NIPAL3: variants seen among roughly 807,000 people sequenced by gnomAD.
NIPAL3 encodes the protein NIPA like domain containing 3, also known as NIPA-like protein 3.
NIPAL3 carries 41 observed loss-of-function variants against 47.2 expected under a neutral mutation model. The observed-to-expected ratio is 0.87, with a 90% confidence interval of 0.68 to 1.13. NIPAL3 has a LOEUF of 1.13. Ranked by LOEUF, NIPAL3 falls within the 50% of genes most tolerant of loss-of-function variation. The pLI is 0.00. For synonymous variants in NIPAL3, 194 were observed against 209.6 expected, an observed-to-expected ratio of 0.93 and a Z score of 0.64; for missense variants, 449 against 530.1, an observed-to-expected ratio of 0.85 and a Z score of 1.50.
intron 2 of NIPAL3, among the ~76,000 whole-genome samples, chr1:24,424,345 C>T (rs1164483586): frequency 2.0e-5 from 3 of 152,186 alleles, no homozygotes; most frequent in Non-Finnish European, 2.9e-5. Context: ...TCATCCTTCC[C>T]TCCCAACGGC....
rs748550018 is a variant in NIPAL3 at position 24,453,476 on chromosome 1, C to G, written c.609C>G (p.Val203=). Residue 203 remains valine (V), a synonymous_variant, in exon 7 of 12, where the codon GTC becomes GTG. Transcript: ENST00000374399. The stretch of plus-strand genomic sequence containing the variant: ...AGGAGAAGAACGCCAACAACATTGT[C>G]GTGATTCTTCTCTTGGTGGCGTTAC... The part of the protein sequence containing the change: ...FYKEKNANNI[V]VILLLVALLG... 1.2e-6 allele frequency: 2 copies of G among 1,613,362 alleles called. No individual in the cohort carries two copies. The highest frequency in any genetic ancestry group is 2.7e-5 in the African/African-American group (2 of 74,802).
intron 8 of NIPAL3, among the ~76,000 whole-genome samples, chr1:24,457,400 A>G (rs1042589980): frequency 1.3e-5 from 2 of 152,196 alleles, no homozygotes; most frequent in African/African-American, 4.8e-5. Flanking sequence ...AAACCTGTGT[A>G]GGTACACAGG....
In NIPAL3 at chr1:24,418,302, C is replaced by T. The variant is rs1298963216; in HGVS notation, c.-257-989C>T. 4.6e-5 allele frequency among the ~76,000 whole-genome samples: 7 copies of T among 152,304 alleles called. No homozygotes were observed. The East Asian group carries it at 1.3e-3, about 29-fold the overall frequency. On this transcript the variant is annotated intron_variant, in intron 1 of 11. Coordinates refer to ENST00000374399, the MANE Select transcript of NIPAL3 (RefSeq NM_020448.5). ...ACTTTTAAGCAGGGTTTTGGCCATG[C>T]CTCCTAGGACACTAGAAGTATACTT...
intron 8 of NIPAL3, among the ~76,000 whole-genome samples, chr1:24,458,162 C>G (rs943257750): frequency 6.6e-6 from 1 of 152,194 alleles, no homozygotes; most frequent in Admixed American, 6.5e-5. Flanking sequence ...TGCAGTGGCT[C>G]ACACCTGTAA....
chr1:24,418,958 T>G (rs1033332081), intron 1 of NIPAL3, among the ~76,000 whole-genome samples: 1 of 151,654 alleles, frequency 6.6e-6, no homozygotes, highest in African/African-American at 2.4e-5. Flanking sequence ...AAGTTAGTAT[T>G]CTACTTCTTG....
At chr1:24,458,823 G>A (rs1436483961) in intron 8 of NIPAL3, 65 bp from the exon 9 acceptor site, 1 of 1,258,954 alleles carries the variant, frequency 7.9e-7, no homozygotes, top group Non-Finnish European at 1.2e-6. Context: ...AAACTCTACT[G>A]TTGTCAGCTC....
At position 24,449,421 on chromosome 1, in the gene NIPAL3, G is replaced by A. The variant is rs182286135; in HGVS notation, c.395-60G>A. The A allele has an allele frequency of 2.3e-5, 36 of 1,577,906 alleles. No homozygotes were observed. In the African/African-American group the frequency reaches 2.4e-4, roughly 11 times the overall value. ...AGCCTGTTTTTTCATGGCTGAGAAC[G>A]TGTACTGTATCTTGGGCCTGTTGTT... On this transcript the variant is annotated intron_variant, in intron 5 of 11. Coordinates refer to ENST00000374399, the MANE Select transcript of NIPAL3 (RefSeq NM_020448.5). This position sits in a 1 kb window ranked among gnomAD's most constrained non-coding sequence, Gnocchi z 4.5.
chr1:24,456,348 C>T, intron 8 of NIPAL3, 75 bp downstream of exon 8: 1 of 1,591,098 alleles, frequency 6.3e-7, no homozygotes, highest in Non-Finnish European at 8.6e-7. Flanking sequence ...ATGACGTATG[C>T]TGTGAAGCCA....
intron 2 of NIPAL3, among the ~76,000 whole-genome samples, chr1:24,429,953 G>A (rs1427789083): frequency 6.6e-6 from 1 of 152,044 alleles, no homozygotes; most frequent in Non-Finnish European, 1.5e-5. Context: ...TTTATTTATT[G>A]GTATGATTGA....
At position 24,470,462 on chromosome 1, in the gene NIPAL3, T is replaced by G. The variant is rs1027846466; in HGVS notation, c.*1277T>G. 2.6e-5 allele frequency: 4 copies of G among 152,192 alleles called. No homozygotes were observed. The highest frequency in any genetic ancestry group is 4.4e-5 in the Non-Finnish European group (3 of 68,030). The allele number at this position is 152,192 out of a possible 1,614,324, so 9.4% of individuals were successfully genotyped here. ...ACCACCAGTGATTCTGATGCGATGC[T>G]TCAATCCCGAGATTTCACATCTGGA... On this transcript the variant is annotated 3_prime_UTR_variant, in exon 12 of 12. Transcript: ENST00000374399.
In NIPAL3 at chr1:24,470,479, A is replaced by C. The variant is rs1471627359; in HGVS notation, c.*1294A>C. 1 of 152,186 alleles carries C rather than the reference A, an allele frequency of 6.6e-6. No homozygotes were observed. Among genetic ancestry groups the C allele is most frequent in the African/African-American group, 2.4e-5 (1 of 41,448 alleles). 9.4% of individuals were successfully genotyped at this position (152,186 alleles called of 1,614,324 possible). On this transcript the variant is annotated 3_prime_UTR_variant, in exon 12 of 12. Coordinates refer to ENST00000374399, the MANE Select transcript of NIPAL3 (RefSeq NM_020448.5). ...TGCGATGCTTCAATCCCGAGATTTCACATCTGGAAAGCCTAAGAATTTACA... is the reference window on the plus strand; with the variant it reads ...TGCGATGCTTCAATCCCGAGATTTCCCATCTGGAAAGCCTAAGAATTTACA...
intron 6 of NIPAL3, among the ~76,000 whole-genome samples, chr1:24,452,155 G>A (rs1645968137): frequency 6.6e-6 from 1 of 152,168 alleles, no homozygotes; most frequent in Non-Finnish European, 1.5e-5. Flanking sequence ...TGGGCGCTAG[G>A]GCTGGCTTAA....
intron 5 of NIPAL3, among the ~76,000 whole-genome samples, chr1:24,446,121 A>G (rs1268784911): frequency 6.7e-6 from 1 of 150,178 alleles, no homozygotes. Context: ...GGGAGGGGAG[A>G]GATACAATAA....
chr1:24,459,259 A>G (rs1646361477), intron 9 of NIPAL3, among the ~76,000 whole-genome samples: 1 of 152,182 alleles, frequency 6.6e-6, no homozygotes, highest in Non-Finnish European at 1.5e-5. Flanking sequence ...GTATGATCCA[A>G]ATGTGCCCTA....
At position 24,454,659 on chromosome 1, in the gene NIPAL3, T is replaced by C. The variant is rs534210713; in HGVS notation, c.637+1155T>C. 2 of 666,144 alleles carry C rather than the reference T, an allele frequency of 3.0e-6. No individual in the cohort carries two copies. The highest frequency in any genetic ancestry group is 1.4e-4 in the East Asian group (1 of 7,318). 41.3% of individuals were successfully genotyped at this position (666,144 alleles called of 1,614,324 possible). ...GAGTTGTGAAACCATCATCCTAATC[T>C]AATTTTAGAACATTTTGTCACCCCC... On this transcript the variant is annotated intron_variant, in intron 7 of 11. Coordinates refer to ENST00000374399, the MANE Select transcript of NIPAL3 (RefSeq NM_020448.5). This position sits in a 1 kb window ranked among gnomAD's most constrained non-coding sequence, Gnocchi z 4.1.
Position 24,427,934 on chromosome 1 carries a change from C to G in NIPAL3, c.93+8294C>G, listed in dbSNP as rs566001033. 3.3e-5 allele frequency among the ~76,000 whole-genome samples: 5 copies of G among 152,294 alleles called. No individual in the cohort carries two copies. The South Asian group carries it at 1.0e-3, about 32-fold the overall frequency. Reference sequence around the variant, plus strand: ...CATAGAATCTACAATCCCTCTTCCCCAGGGCAGGTCATAGAAACCACAACC... The same window carrying G: ...CATAGAATCTACAATCCCTCTTCCCGAGGGCAGGTCATAGAAACCACAACC... On this transcript the variant is annotated intron_variant, in intron 2 of 11. Transcript: ENST00000374399.
At chr1:24,419,243 A>G (rs1644201474) in intron 1 of NIPAL3, 48 bp from the exon 2 acceptor site, 7 of 980,900 alleles carry the variant, frequency 7.1e-6, no homozygotes, top group Non-Finnish European at 8.7e-6. Flanking sequence ...AGCTGGGCTC[A>G]GTGTTTCCTT....
chr1:24,467,720 A>C (rs909509438), intron 11 of NIPAL3, among the ~76,000 whole-genome samples: 3 of 152,154 alleles, frequency 2.0e-5, no homozygotes, highest in African/African-American at 7.2e-5. Flanking sequence ...TATTGTTGTT[A>C]CTGTTACTAT....
At chr1:24,433,975 A>G in intron 2 of NIPAL3, among the ~76,000 whole-genome samples, 1 of 152,216 alleles carries the variant, frequency 6.6e-6, no homozygotes. Flanking sequence ...TGACAAGGGA[A>G]TTAAAATGGC....
Sources: allele counts gnomAD v4.1 joint callset (sites outside exome capture counted in the v4.1 genomes callset), GRCh38; gene constraint gnomAD v4.1.1; non-coding constraint Gnocchi (gnomAD v3.1); transcripts MANE v1.5; gene names NCBI Gene and HGNC (gene_info 2026-07-23, HGNC 2026-07-21).